The following ATP8B4 variants were observed in gnomAD, a reference collection of about 807,000 sequenced individuals.
ATP8B4 encodes ATPase phospholipid transporting 8B4 (putative), also known as probable phospholipid-transporting ATPase IM.
A neutral mutation model predicts 145.6 loss-of-function variants in ATP8B4; 133 were observed. The ratio of observed to expected loss-of-function variants is 0.91; its 90% CI spans 0.79 to 1.05. ATP8B4 has a LOEUF of 1.05. ATP8B4 is among the 50% of genes least tolerant of loss of function. The pLI, the probability that ATP8B4 is intolerant of heterozygous loss-of-function variation, is 0.00. For missense variants in ATP8B4, 1,458 were observed against 1,425.2 expected (o/e 1.02, Z -0.37); for synonymous variants, 507 against 492.9 (o/e 1.03, Z -0.38).
intron 27 of ATP8B4, 28 bp from the exon 28 acceptor site, chr15:49,860,503 T>C (rs764783268): frequency 1.9e-6 from 3 of 1,569,738 alleles, no homozygotes; most frequent in Non-Finnish European, 2.6e-6. Flanking sequence ...CAAAGTGAGA[T>C]GATGCATCCA....
At position 49,959,826 on chromosome 15, in the gene ATP8B4, G is replaced by T. The variant is rs945459634; in HGVS notation, c.1287+2151C>A. ...AATTAAGTAGCTTGAAATACATACT[G>T]TGTTCTTGGATAAGAAGATTCAACA... On this transcript the variant is annotated intron_variant, in intron 14 of 27. Transcript: ENST00000284509. Among the ~76,000 whole-genome samples, 6 of 152,178 alleles carry T rather than the reference G, an allele frequency of 3.9e-5. No homozygotes were observed. In the South Asian group the frequency reaches 8.3e-4, roughly 21 times the overall value.
intron 21 of ATP8B4, 66 bp downstream of exon 21, chr15:49,901,026 A>G (rs2037967412): frequency 6.5e-7 from 1 of 1,548,952 alleles, no homozygotes; most frequent in Non-Finnish European, 8.8e-7. Flanking sequence ...TCTCATTATG[A>G]TAGCACAAAA....
rs1490718358 is a variant in ATP8B4 at position 49,866,487 on chromosome 15, G to A, written c.3028-3C>T. ...CAGTAACTGGTATCCAAGGCTATCTGTAAATAAAATCAAATGCAAACGGGA... is the reference window on the plus strand; with the variant it reads ...CAGTAACTGGTATCCAAGGCTATCTATAAATAAAATCAAATGCAAACGGGA... On this transcript the variant is annotated splice_polypyrimidine_tract_variant and splice_region_variant and intron_variant, in intron 25 of 27. Coordinates refer to ENST00000284509, the MANE Select transcript of ATP8B4 (RefSeq NM_024837.4). 1 of 1,613,128 alleles carries A rather than the reference G, an allele frequency of 6.2e-7. No individual in the cohort carries two copies. The highest frequency in any genetic ancestry group is 1.1e-5 in the South Asian group (1 of 91,040).
At chr15:49,988,490 A>G (rs185013774) in intron 9 of ATP8B4, among the ~76,000 whole-genome samples, 4 of 152,180 alleles carry the variant, frequency 2.6e-5, no homozygotes, top group Admixed American at 6.6e-5. Flanking sequence ...GATATGAAAA[A>G]GGAAGCTGTG....
Position 50,047,426 on chromosome 15 carries a change from G to T in ATP8B4, c.126C>A (p.Thr42=). The T allele has an allele frequency of 6.3e-7, 1 of 1,597,206 alleles. No homozygotes were observed. The highest frequency in any genetic ancestry group is 8.6e-7 in the Non-Finnish European group (1 of 1,164,790). The change falls in exon 4 of 28, where the codon ACC becomes ACA. Residue 42 remains threonine, a synonymous_variant. Transcript: ENST00000284509. The stretch of plus-strand genomic sequence containing the variant: ...GTTCAAATAAATTAATTGGCAAGAA[G>T]GTGAGAATATTATATTTCGATGTGT... ...RIHTSKYNIL[T]FLPINLFEQF...
intron 6 of ATP8B4, among the ~76,000 whole-genome samples, chr15:50,027,002 G>C (rs946679746): frequency 6.6e-6 from 1 of 152,118 alleles, no homozygotes; most frequent in African/African-American, 2.4e-5. Context: ...GGCCTGAACT[G>C]TTCCTGGGTT....
intron 1 of ATP8B4, among the ~76,000 whole-genome samples, chr15:50,125,679 T>C (rs2057302784): frequency 6.6e-6 from 1 of 152,152 alleles, no homozygotes; most frequent in Non-Finnish European, 1.5e-5. Context: ...AACCCATCTG[T>C]GGGGGCAATT....
At chr15:49,990,273 G>A (rs2046949231) in intron 9 of ATP8B4, among the ~76,000 whole-genome samples, 1 of 152,168 alleles carries the variant, frequency 6.6e-6, no homozygotes, top group Non-Finnish European at 1.5e-5. Context: ...TTGAATCAGA[G>A]AAGAGAAAGA....
intron 1 of ATP8B4, among the ~76,000 whole-genome samples, chr15:50,180,060 C>G (rs1406446418): frequency 6.6e-6 from 1 of 152,166 alleles, no homozygotes; most frequent in African/African-American, 2.4e-5. Flanking sequence ...ACAAAATGGC[C>G]TAGGTGAAAT....
At chr15:49,919,105 A>C (rs1347800153) in intron 18 of ATP8B4, among the ~76,000 whole-genome samples, 155 bp from the exon 19 acceptor site, 1 of 152,214 alleles carries the variant, frequency 6.6e-6, no homozygotes, top group Non-Finnish European at 1.5e-5. Flanking sequence ...TTTTGTGTGA[A>C]AGTGGATTGG....
At chr15:50,176,290 G>C (rs923648794) in intron 1 of ATP8B4, among the ~76,000 whole-genome samples, 4 of 152,102 alleles carry the variant, frequency 2.6e-5, no homozygotes, top group African/African-American at 9.7e-5. Context: ...AACATCGTAT[G>C]TTCTCACTGA....
chr15:50,157,948 G>A (rs2044447488), intron 1 of ATP8B4, among the ~76,000 whole-genome samples: 1 of 152,208 alleles, frequency 6.6e-6, no homozygotes, highest in South Asian at 2.1e-4. Flanking sequence ...GTGGAGACGG[G>A]GTTTCGCTGT....
chr15:49,924,342 G>A (rs1441290816), intron 16 of ATP8B4, among the ~76,000 whole-genome samples: 1 of 152,110 alleles, frequency 6.6e-6, no homozygotes, highest in South Asian at 2.1e-4. Context: ...TGACATGGCT[G>A]GGTATTTCTT....
chr15:49,986,052 C>T (rs959583792), intron 10 of ATP8B4, among the ~76,000 whole-genome samples: 1 of 152,316 alleles, frequency 6.6e-6, no homozygotes, highest in East Asian at 1.9e-4. Context: ...GAGACCTATT[C>T]AACTTACCAA....
chr15:50,104,378 G>C (rs1301662785), intron 2 of ATP8B4, among the ~76,000 whole-genome samples: 1 of 151,510 alleles, frequency 6.6e-6, no homozygotes, highest in East Asian at 1.9e-4. Flanking sequence ...AAACAAATCA[G>C]CAAGAAAAAA....
At chr15:49,986,921 G>A (rs2046656735) in intron 10 of ATP8B4, among the ~76,000 whole-genome samples, 1 of 113,956 alleles carries the variant, frequency 8.8e-6, no homozygotes, top group Non-Finnish European at 1.6e-5. Flanking sequence ...TTTACAAACA[G>A]TGGAAAAAGC....
intron 2 of ATP8B4, among the ~76,000 whole-genome samples, chr15:50,080,443 C>T (rs1218158686): frequency 2.0e-5 from 3 of 152,080 alleles, no homozygotes; most frequent in Admixed American, 6.6e-5. Context: ...TTGTTAAAGT[C>T]GCTCCTGGTT....
At chr15:49,978,162 G>C (rs369991666) in intron 12 of ATP8B4, among the ~76,000 whole-genome samples, 9 of 152,190 alleles carry the variant, frequency 5.9e-5, no homozygotes, top group African/African-American at 2.2e-4. Context: ...GAGGACATAT[G>C]AAACTGCACA....
intron 3 of ATP8B4, among the ~76,000 whole-genome samples, chr15:50,073,050 ACACT>A (rs2053952768): frequency 4.0e-5 from 5 of 125,872 alleles, no homozygotes; most frequent in Non-Finnish European, 6.6e-5. Context: ...ACACACACAC[ACACT>A]ATACATATAC....
Sources: allele counts gnomAD v4.1 joint callset (sites outside exome capture counted in the v4.1 genomes callset), GRCh38; gene constraint gnomAD v4.1.1; transcripts MANE v1.5; gene names NCBI Gene and HGNC (gene_info 2026-07-23, HGNC 2026-07-21).